MTCL1: variants seen among roughly 807,000 people sequenced by gnomAD.
The protein encoded by MTCL1 is microtubule cross-linking factor 1.
In MTCL1, 79 loss-of-function variants were observed where a neutral mutation model predicts 141.4. The ratio of observed to expected loss-of-function variants is 0.56; its 90% CI spans 0.47 to 0.67. The LOEUF (loss-of-function observed/expected upper bound fraction) is 0.67, where lower values mean the gene tolerates loss of function less well. Ranked by LOEUF, MTCL1 falls within the 30% of genes least tolerant of loss-of-function variation. The probability of loss-of-function intolerance (pLI) is 0.00; values close to 1 mark genes in which losing one functional copy is unlikely to be tolerated. For missense variants in MTCL1, 2,177 were observed against 2,113.9 expected, an observed-to-expected ratio of 1.03 and a Z score of -0.59; for synonymous variants, 914 against 875.8, an observed-to-expected ratio of 1.04 and a Z score of -0.77.
chr18:8,719,825 C>T (rs1193079703), intron 3 of MTCL1, among the ~76,000 whole-genome samples: 2 of 152,192 alleles, frequency 1.3e-5, no homozygotes, highest in Non-Finnish European at 2.9e-5. Context: ...CTTTCTTTGC[C>T]TCCCAAAGTG....
intron 4 of MTCL1, among the ~76,000 whole-genome samples, chr18:8,772,894 T>C (rs2096490601): frequency 6.6e-6 from 1 of 151,996 alleles, no homozygotes; most frequent in South Asian, 2.1e-4. Flanking sequence ...AGAGCATAGC[T>C]TTTAGGGATG....
chr18:8,733,916 GAT>G (rs1386531734), intron 4 of MTCL1, among the ~76,000 whole-genome samples: 1 of 152,102 alleles, frequency 6.6e-6, no homozygotes, highest in African/African-American at 2.4e-5. Context: ...TTTGGGTTTG[GAT>G]ATGTCGTTTT....
At chr18:8,752,492 G>A (rs1029128254) in intron 4 of MTCL1, among the ~76,000 whole-genome samples, 7 of 152,108 alleles carry the variant, frequency 4.6e-5, no homozygotes, top group African/African-American at 1.7e-4. Context: ...AGAAGGCCTG[G>A]CCTGGCACTT....
At chr18:8,728,014 TTTGAA>T (rs774198634) in intron 4 of MTCL1, among the ~76,000 whole-genome samples, 1 of 152,152 alleles carries the variant, frequency 6.6e-6, no homozygotes, top group Non-Finnish European at 1.5e-5. Context: ...AACATGCATG[TTTGAA>T]TTGAAGTTTA....
At chr18:8,795,509 GA>G (rs1373511231) in intron 8 of MTCL1, among the ~76,000 whole-genome samples, 3 of 152,188 alleles carry the variant, frequency 2.0e-5, no homozygotes, top group African/African-American at 7.2e-5. Flanking sequence ...ATTGTTGCTT[GA>G]AAAAGTGTCT....
intron 4 of MTCL1, among the ~76,000 whole-genome samples, chr18:8,774,549 G>A (rs1056632963): frequency 7.9e-5 from 12 of 151,440 alleles, no homozygotes; most frequent in South Asian, 6.3e-4. Flanking sequence ...GTGCAACGGC[G>A]CCATCTCAGC....
At chr18:8,720,495 A>G in exon 4 of MTCL1, 1 of 1,613,676 alleles carries the variant, frequency 6.2e-7, no homozygotes, top group Non-Finnish European at 8.5e-7. Context: ...AGACTGAAAG[A>G]GGTAATCCAA....
At chr18:8,782,545 G>T (rs745825477) in intron 5 of MTCL1, 5 of 152,180 alleles carry the variant, frequency 3.3e-5, no homozygotes, top group East Asian at 1.9e-4. Context: ...GCCAAGCATT[G>T]CAGGCTGTGA....
intron 4 of MTCL1, among the ~76,000 whole-genome samples, chr18:8,748,631 G>T (rs932374213): frequency 6.6e-6 from 1 of 151,752 alleles, no homozygotes; most frequent in Non-Finnish European, 1.5e-5. Context: ...ATATATATTC[G>T]TGACTCCCCG....
At chr18:8,736,165 G>A (rs1292219444) in intron 4 of MTCL1, among the ~76,000 whole-genome samples, 1 of 152,132 alleles carries the variant, frequency 6.6e-6, no homozygotes, top group Non-Finnish European at 1.5e-5. Context: ...ACCATTAGGA[G>A]AAAGTAAAAC....
rs779539066 is a variant in MTCL1 at position 8,825,308 on chromosome 18, G to C, written c.3798G>C (p.Gly1266=). The change falls in exon 15 of 17, where the codon GGG becomes GGC. Residue 1266 remains glycine (G), a synonymous_variant. Transcript: ENST00000359865. ...ATAGTCCCCTCTGTACCTCCCTGGGGTTTGCCTCCCCACTGCACAGCCTGG... is the reference window on the plus strand; with the variant it reads ...ATAGTCCCCTCTGTACCTCCCTGGGCTTTGCCTCCCCACTGCACAGCCTGG... 3 of 1,540,644 alleles carry C rather than the reference G, an allele frequency of 1.9e-6. No individual in the cohort carries two copies. The African/African-American group carries it at 4.1e-5, about 21-fold the overall frequency.
chr18:8,706,664 A>T (rs1328403027), exon 1 of MTCL1: 1 of 1,546,398 alleles, frequency 6.5e-7, no homozygotes, highest in Admixed American at 2.0e-5. Context: ...GAGGAAGAAG[A>T]GCTGCTGCGG....
chr18:8,831,055 G>A, intron 16 of MTCL1: 2 of 985,642 alleles, frequency 2.0e-6, no homozygotes, highest in African/African-American at 1.7e-5. Flanking sequence ...CCATGTTGTG[G>A]GAGTTTGTTT....
At chr18:8,762,310 G>A (rs1471310986) in intron 4 of MTCL1, among the ~76,000 whole-genome samples, 1 of 152,236 alleles carries the variant, frequency 6.6e-6, no homozygotes, top group Non-Finnish European at 1.5e-5. Context: ...CCATGGTAAA[G>A]CTGCACCCCT....
chr18:8,816,113 G>C (rs2076647580), intron 12 of MTCL1, among the ~76,000 whole-genome samples: 1 of 152,188 alleles, frequency 6.6e-6, no homozygotes, highest in Non-Finnish European at 1.5e-5. Flanking sequence ...AGAGGATGTT[G>C]GTTCAAGTGT....
intron 6 of MTCL1, among the ~76,000 whole-genome samples, chr18:8,785,117 C>T (rs1395948661): frequency 6.6e-6 from 1 of 151,924 alleles, no homozygotes; most frequent in African/African-American, 2.4e-5. Flanking sequence ...TTTAGAGGCC[C>T]TCCCAGACAC....
At position 8,830,826 on chromosome 18, in the gene MTCL1, T is replaced by G; in HGVS notation, c.*19-781T>G. 11 of 985,470 alleles carry G rather than the reference T, an allele frequency of 1.1e-5. No homozygotes were observed. Among genetic ancestry groups the G allele is most frequent in the Non-Finnish European group, 1.3e-5 (11 of 829,954 alleles). 61.0% of individuals were successfully genotyped at this position (985,470 alleles called of 1,614,324 possible). A position where few individuals can be genotyped will look rare whatever the true frequency, so the allele number is the denominator to read the frequency against. The stretch of plus-strand genomic sequence containing the variant: ...TTTGTAACATGTAAGGACAAGGAGC[T>G]CAACATTCTTTAAAAACAAAGTAGC... On this transcript the variant is annotated intron_variant, in intron 16 of 16. Coordinates refer to ENST00000359865, the Ensembl canonical transcript of MTCL1. The surrounding 1 kb of genome is among the most constrained non-coding windows in gnomAD (Gnocchi z 6.4).
chr18:8,777,097 G>T (rs1330858669), intron 4 of MTCL1, among the ~76,000 whole-genome samples: 1 of 152,170 alleles, frequency 6.6e-6, no homozygotes, highest in Non-Finnish European at 1.5e-5. Context: ...TTAGCCAGGC[G>T]TGGTGGCAGG....
At chr18:8,776,329 C>T (rs1205093909) in intron 4 of MTCL1, among the ~76,000 whole-genome samples, 1 of 152,192 alleles carries the variant, frequency 6.6e-6, no homozygotes, top group Non-Finnish European at 1.5e-5. Flanking sequence ...CTACAAATCC[C>T]TTCATATTCC....
Sources: allele counts gnomAD v4.1 joint callset (sites outside exome capture counted in the v4.1 genomes callset), GRCh38; gene constraint gnomAD v4.1.1; non-coding constraint Gnocchi (gnomAD v3.1); transcripts MANE v1.5; gene names NCBI Gene and HGNC (gene_info 2026-07-23, HGNC 2026-07-21).